The following ANKRD17 variants were observed in gnomAD, a reference collection of about 807,000 sequenced individuals.
ANKRD17 encodes ankyrin repeat domain-containing protein 17.
In ANKRD17, 19 loss-of-function variants were observed where a neutral mutation model predicts 229.7. The observed-to-expected ratio is 0.08, with a 90% CI of 0.06 to 0.12. The LOEUF (loss-of-function observed/expected upper bound fraction) is 0.12. Among genes scored for constraint, ANKRD17 ranks in the 10% least tolerant of loss-of-function variants. ANKRD17 has a pLI of 1.00. For missense variants in ANKRD17, 2,176 were observed against 3,176.8 expected, an observed-to-expected ratio of 0.68 and a Z score of 7.57; for synonymous variants, 1,112 against 1,146.1, an observed-to-expected ratio of 0.97 and a Z score of 0.60.
chr4:73,249,276 T>C (rs1044937220), intron 1 of ANKRD17, among the ~76,000 whole-genome samples: 9 of 152,184 alleles, frequency 5.9e-5, no homozygotes, highest in African/African-American at 2.2e-4. Flanking sequence ...TTTCTATTCC[T>C]TTCTTTTGTG....
At chr4:73,094,828 C>T in intron 27 of ANKRD17, among the ~76,000 whole-genome samples, 1 of 151,898 alleles carries the variant, frequency 6.6e-6, no homozygotes, top group African/African-American at 2.4e-5. Flanking sequence ...TGGTGCTTTA[C>T]TCATATGCTT....
intron 1 of ANKRD17, among the ~76,000 whole-genome samples, chr4:73,203,974 C>T (rs1278007416): frequency 6.6e-6 from 1 of 151,880 alleles, no homozygotes; most frequent in African/African-American, 2.4e-5. Context: ...CCATCATGTG[C>T]ACAGAAAGGA....
At position 73,090,685 on chromosome 4, in the gene ANKRD17, G is replaced by T. The variant is rs754839887; in HGVS notation, c.6943C>A (p.Pro2315Thr). Reference sequence around the variant, plus strand: ...AACTCACCTGAGGGACTTGGAGCAGGTCTCTGTAATGGTGGTCTAAAACCT... The same window carrying T: ...AACTCACCTGAGGGACTTGGAGCAGTTCTCTGTAATGGTGGTCTAAAACCT... Reference protein sequence around the residue: ...APGFRPPLQRPAPSPSGIVNM... With the variant: ...APGFRPPLQRTAPSPSGIVNM... The change falls in exon 29 of 34, where the codon CCT becomes ACT. Residue 2315 changes from proline to threonine, a missense_variant. Physicochemically the swap from Pro to Thr is conservative, Grantham distance 38 (BLOSUM62 -1). Around this residue, in one of 18 missense-constraint regions of ANKRD17, gnomAD observed 424 missense variants for 454.0 expected, o/e 0.93. Coordinates refer to ENST00000358602, the MANE Select transcript of ANKRD17 (RefSeq NM_032217.5). The T allele has an allele frequency of 1.9e-6, 3 of 1,614,070 alleles. No homozygotes were observed. The South Asian group carries it at 3.3e-5, about 18-fold the overall frequency.
At position 73,234,603 on chromosome 4, in the gene ANKRD17, G is replaced by A. The variant is rs564448105; in HGVS notation, c.393+23673C>T. Among the ~76,000 whole-genome samples the A allele has an allele frequency of 1.9e-3, 296 of 152,304 alleles. 1 individual carries two copies. Among genetic ancestry groups the A allele is most frequent in the African/African-American group, 6.7e-3 (278 of 41,564 alleles). ...AGTACAATTTAAGCAGGTAGGGCAC[G>A]CGTATACGCAGGTACCCCAAAAAGG... On this transcript the variant is annotated intron_variant, in intron 1 of 33. Transcript: ENST00000358602.
rs544913655 is a variant in ANKRD17 at position 73,190,294 on chromosome 4, G to A, written c.394-12761C>T. 3.9e-5 allele frequency among the ~76,000 whole-genome samples: 6 copies of A among 152,128 alleles called. No individual in the cohort carries two copies. The South Asian group carries it at 6.2e-4, about 16-fold the overall frequency. On this transcript the variant is annotated intron_variant, in intron 1 of 33. Coordinates refer to ENST00000358602, the MANE Select transcript of ANKRD17 (RefSeq NM_032217.5). ...TGAGGCAGGAGAATCACTTGAACCC[G>A]GGAGGCAGAGGCTGCAGTGAGCTGA...
intron 1 of ANKRD17, among the ~76,000 whole-genome samples, chr4:73,218,479 C>T (rs544566569): frequency 1.3e-4 from 19 of 151,972 alleles, no homozygotes; most frequent in African/African-American, 4.6e-4. Flanking sequence ...CCCATCTCTA[C>T]TAAAAACACA....
In ANKRD17 at chr4:73,142,901, T is replaced by A. The variant is rs924234401; in HGVS notation, c.1958-134A>T. Reference sequence around the variant, plus strand: ...CATACCCATTACCGAGCTTTAATGATTATAAACACAAGGCCAATCTCATTT... The same window carrying A: ...CATACCCATTACCGAGCTTTAATGAATATAAACACAAGGCCAATCTCATTT... On this transcript the variant is annotated intron_variant, in intron 11 of 33. Transcript: ENST00000358602. 8 of 963,136 alleles carry A rather than the reference T, an allele frequency of 8.3e-6. No individual in the cohort carries two copies. The Admixed American group carries it at 2.7e-4, about 32-fold the overall frequency. 59.7% of individuals were successfully genotyped at this position (963,136 alleles called of 1,614,324 possible). A position where few individuals can be genotyped will look rare whatever the true frequency, so the allele number is the denominator to read the frequency against.
chr4:73,255,893 T>G (rs1231506299), intron 1 of ANKRD17, among the ~76,000 whole-genome samples: 1 of 152,078 alleles, frequency 6.6e-6, no homozygotes, highest in Non-Finnish European at 1.5e-5. Context: ...TCGGCTAATT[T>G]TTTTGTATTT....
chr4:73,180,074 G>A (rs1185442481), intron 1 of ANKRD17, among the ~76,000 whole-genome samples: 1 of 151,958 alleles, frequency 6.6e-6, no homozygotes, highest in Non-Finnish European at 1.5e-5. Context: ...AAAATGAATA[G>A]ATGAAATACC....
In ANKRD17 at chr4:73,104,851, T is replaced by C. The variant is rs925416275; in HGVS notation, c.4402-2304A>G. On this transcript the variant is annotated intron_variant, in intron 24 of 33. Transcript: ENST00000358602. ...TAAGCCCATATGTCCTAGATGTTGA[T>C]GGGGGTGGTAGGTTTGGGTAGGTCA... Among the ~76,000 whole-genome samples, 6 of 152,088 alleles carry C rather than the reference T, an allele frequency of 3.9e-5. No individual in the cohort carries two copies. In the East Asian group the frequency reaches 1.2e-3, roughly 29 times the overall value.
chr4:73,258,627 T>G lies in ANKRD17; in HGVS notation c.42A>C (p.Ala14=). 1.3e-6 allele frequency: 2 copies of G among 1,487,740 alleles called. No homozygotes were observed. Among genetic ancestry groups the G allele is most frequent in the Non-Finnish European group, 1.8e-6 (2 of 1,128,138 alleles). 92.2% of individuals were successfully genotyped at this position (1,487,740 alleles called of 1,614,324 possible). Residue 14 remains alanine (A), a synonymous_variant, in exon 1 of 34, where the codon GCA becomes GCC. Transcript: ENST00000358602. ...ATVPVAAATA[A]EGEGSPPAVA... ...CCGCCGGGGGGCTCCCTTCTCCTTC[T>G]GCAGCCGTCGCCGCCGCCACCGGAA... is the stretch of plus-strand genomic sequence containing the variant.
chr4:73,100,514 GA>G (rs774122230), intron 25 of ANKRD17, among the ~76,000 whole-genome samples: 1 of 151,312 alleles, frequency 6.6e-6, no homozygotes, highest in Non-Finnish European at 1.5e-5. Flanking sequence ...AAATTGGGGG[GA>G]CAGTTTGGAA....
At chr4:73,172,836 G>T (rs1283554887) in intron 2 of ANKRD17, among the ~76,000 whole-genome samples, 1 of 151,866 alleles carries the variant, frequency 6.6e-6, no homozygotes, top group Admixed American at 6.6e-5. Context: ...TAAAAAGCAA[G>T]AAATTAAAAC....
In ANKRD17 at chr4:73,113,233, A is replaced by G. The variant is rs1198887076; in HGVS notation, c.4401+559T>C. 3 of 1,289,416 alleles carry G rather than the reference A, an allele frequency of 2.3e-6. No homozygotes were observed. The Admixed American group carries it at 6.9e-5, about 30-fold the overall frequency. 79.9% of individuals were successfully genotyped at this position (1,289,416 alleles called of 1,614,324 possible). A position where few individuals can be genotyped will look rare whatever the true frequency, so the allele number is the denominator to read the frequency against. On this transcript the variant is annotated intron_variant, in intron 24 of 33. Transcript: ENST00000358602. ...GGCAGAAAAGGGAAGTGAAGAAGCT[A>G]TAAGACTGTCCAAACTATATGCTGT...
chr4:73,201,397 A>G (rs1286717541), intron 1 of ANKRD17, among the ~76,000 whole-genome samples: 3 of 152,100 alleles, frequency 2.0e-5, no homozygotes, highest in African/African-American at 2.4e-5. Flanking sequence ...TTCCCAAGCT[A>G]GAATATTATA....
At chr4:73,179,484 G>GTATATA (rs1287512668) in intron 1 of ANKRD17, among the ~76,000 whole-genome samples, 4 of 65,670 alleles carry the variant, frequency 6.1e-5, no homozygotes, top group Admixed American at 2.1e-4. Flanking sequence ...GTGTGTGTGT[G>GTATATA]TGTGTATATA....
intron 22 of ANKRD17, among the ~76,000 whole-genome samples, chr4:73,117,487 G>C (rs1726114892): frequency 6.6e-6 from 1 of 152,172 alleles, no homozygotes; most frequent in Non-Finnish European, 1.5e-5. Flanking sequence ...TGATATGCTA[G>C]CTTGCTTGGA....
chr4:73,087,765 C>A (rs113261884), intron 29 of ANKRD17, among the ~76,000 whole-genome samples: 120 of 152,124 alleles, frequency 7.9e-4, no homozygotes, highest in African/African-American at 2.7e-3. Context: ...TTGTGAAGAT[C>A]CATATCAAAG....
intron 1 of ANKRD17, among the ~76,000 whole-genome samples, chr4:73,184,346 T>G (rs959920310): frequency 1.3e-5 from 2 of 151,772 alleles, no homozygotes; most frequent in African/African-American, 4.8e-5. Flanking sequence ...CTGGCCAACA[T>G]GGTGAAAGCC....
Sources: gnomAD v4.1 joint callset for allele counts (sites outside exome capture counted in the v4.1 genomes callset) on GRCh38, gnomAD v4.1.1 for gene constraint, gnomAD v4.1.1 regional missense constraint, MANE v1.5 for transcripts, NCBI Gene and HGNC (gene_info 2026-07-23, HGNC 2026-07-21) for gene names.